IMPG2: variants seen among roughly 807,000 people sequenced by gnomAD.
IMPG2 encodes interphotoreceptor matrix proteoglycan 2, also known as IPM 200.
A neutral mutation model predicts 129.2 loss-of-function variants in IMPG2; 91 were observed. The ratio of observed to expected loss-of-function variants is 0.70; its 90% CI spans 0.59 to 0.84. The LOEUF is 0.84. Ranked by LOEUF, IMPG2 falls within the 40% of genes least tolerant of loss-of-function variation. The probability of loss-of-function intolerance (pLI) is 0.00; values close to 1 mark genes in which losing one functional copy is unlikely to be tolerated. For synonymous variants in IMPG2, 510 were observed against 517.7 expected (o/e 0.99, Z 0.20); for missense variants, 1,430 against 1,461.7 (o/e 0.98, Z 0.35).
chr3:101,226,838 C>T lies in IMPG2; in HGVS notation c.*131G>A. On this transcript the variant is annotated 3_prime_UTR_variant, in exon 19 of 19. Coordinates refer to ENST00000193391, the MANE Select transcript of IMPG2 (RefSeq NM_016247.4). Reference sequence around the variant, plus strand: ...TAAGCTGAAAAAAAAACAGTGTGCCCTATATTTAATTTTTTCATAGAAAAC... The same window carrying T: ...TAAGCTGAAAAAAAAACAGTGTGCCTTATATTTAATTTTTTCATAGAAAAC... The T allele has an allele frequency of 7.8e-6, 7 of 900,532 alleles. No individual in the cohort carries two copies. Among genetic ancestry groups the T allele is most frequent in the Non-Finnish European group, 1.2e-5 (7 of 563,040 alleles). 55.8% of individuals were successfully genotyped at this position (900,532 alleles called of 1,614,324 possible).
chr3:101,270,099 G>A (rs1017909276), intron 7 of IMPG2, among the ~76,000 whole-genome samples: 2 of 151,596 alleles, frequency 1.3e-5, no homozygotes, highest in East Asian at 1.9e-4. Context: ...CACCATGCTC[G>A]GCTAATTTTG....
intron 4 of IMPG2, among the ~76,000 whole-genome samples, chr3:101,286,206 T>C (rs938330184): frequency 6.6e-6 from 1 of 152,144 alleles, no homozygotes; most frequent in African/African-American, 2.4e-5. Context: ...CTATAACTAA[T>C]ACATTAGTAT....
chr3:101,259,582 T>C (rs1706648267), intron 9 of IMPG2, among the ~76,000 whole-genome samples: 1 of 150,980 alleles, frequency 6.6e-6, no homozygotes, highest in South Asian at 2.1e-4. Context: ...AACAGAAATA[T>C]ATACTTGTCT....
chr3:101,308,478 C>T (rs1473996781), intron 2 of IMPG2, among the ~76,000 whole-genome samples: 1 of 152,272 alleles, frequency 6.6e-6, no homozygotes, highest in Non-Finnish European at 1.5e-5. Flanking sequence ...GCTGCCAAGG[C>T]CTGGGGCTTG....
intron 4 of IMPG2, among the ~76,000 whole-genome samples, chr3:101,277,761 T>C (rs1242086831): frequency 6.6e-6 from 1 of 152,170 alleles, no homozygotes; most frequent in African/African-American, 2.4e-5. Context: ...AAAATAGGTT[T>C]CCACAAGTCC....
intron 18 of IMPG2, among the ~76,000 whole-genome samples, chr3:101,227,355 G>A (rs1706235931): frequency 6.6e-6 from 1 of 152,104 alleles, no homozygotes; most frequent in Admixed American, 6.6e-5. Flanking sequence ...TGTCTCACAG[G>A]GTCTTCTAGT....
At position 101,298,453 on chromosome 3, in the gene IMPG2, T is replaced by C. The variant is rs146046881; in HGVS notation, c.501+5693A>G. ...ATTATGTCATCATGATGCTAGTTGG[T>C]TATTTTTGCACACTAGTTGATGCAG... On this transcript the variant is annotated intron_variant, in intron 3 of 18. Coordinates refer to ENST00000193391, the MANE Select transcript of IMPG2 (RefSeq NM_016247.4). Among the ~76,000 whole-genome samples, 381 of 152,302 alleles carry C rather than the reference T, an allele frequency of 2.5e-3. 1 individual carries two copies. Among genetic ancestry groups the C allele is most frequent in the Non-Finnish European group, 4.5e-3 (309 of 68,012 alleles).
intron 9 of IMPG2, among the ~76,000 whole-genome samples, chr3:101,258,616 C>A (rs1318163142): frequency 1.3e-5 from 2 of 152,034 alleles, no homozygotes; most frequent in Non-Finnish European, 1.5e-5. Flanking sequence ...TTATGTAAAA[C>A]CTCAACAAGT....
intron 2 of IMPG2, among the ~76,000 whole-genome samples, chr3:101,316,780 T>C (rs2058787967): frequency 6.6e-6 from 1 of 152,090 alleles, no homozygotes; most frequent in Non-Finnish European, 1.5e-5. Flanking sequence ...GAAAAACTTG[T>C]ACCCAAATGA....
At chr3:101,312,691 T>C (rs556820) in intron 2 of IMPG2, among the ~76,000 whole-genome samples, 137,665 of 152,040 alleles carry the variant, frequency 0.91, 62,450 homozygotes, top group East Asian at 1. Flanking sequence ...ATGCAAACAA[T>C]GTAAATGCCC....
At chr3:101,256,205 GAAAGAAAGAAAGAAAA>G (rs1706605336) in intron 10 of IMPG2, among the ~76,000 whole-genome samples, 2 of 146,148 alleles carry the variant, frequency 1.4e-5, no homozygotes, top group South Asian at 2.2e-4. Flanking sequence ...AAGAAAGAAA[GAAAGAAAGAAAGAAAA>G]AAATATCTTA....
At chr3:101,318,983 C>A (rs2058797741) in intron 2 of IMPG2, among the ~76,000 whole-genome samples, 1 of 151,946 alleles carries the variant, frequency 6.6e-6, no homozygotes, top group African/African-American at 2.4e-5. Context: ...AGAGAGCAAC[C>A]TGTGTGAATC....
intron 4 of IMPG2, among the ~76,000 whole-genome samples, chr3:101,277,357 G>T (rs564790087): frequency 6.6e-6 from 1 of 152,284 alleles, no homozygotes; most frequent in African/African-American, 2.4e-5. Flanking sequence ...AATATATTTT[G>T]GGGATAAATG....
intron 9 of IMPG2, among the ~76,000 whole-genome samples, chr3:101,261,051 C>T (rs536331818): frequency 7.2e-5 from 11 of 152,172 alleles, no homozygotes; most frequent in East Asian, 3.9e-4. Flanking sequence ...CCCTAAAGAA[C>T]GTTCGTATTA....
chr3:101,238,974 C>T (rs1248761895), intron 14 of IMPG2, among the ~76,000 whole-genome samples: 1 of 152,092 alleles, frequency 6.6e-6, no homozygotes, highest in Non-Finnish European at 1.5e-5. Context: ...TCAGAAGACC[C>T]ATCTCATGTG....
At chr3:101,304,855 T>TAATA (rs1553685931) in intron 2 of IMPG2, among the ~76,000 whole-genome samples, 1 of 147,184 alleles carries the variant, frequency 6.8e-6, no homozygotes, top group Non-Finnish European at 1.5e-5. Flanking sequence ...ATATTTCTGA[T>TAATA]AAAAAAAAAA....
At chr3:101,287,337 T>C (rs1251022685) in intron 4 of IMPG2, among the ~76,000 whole-genome samples, 1 of 152,178 alleles carries the variant, frequency 6.6e-6, no homozygotes, top group Non-Finnish European at 1.5e-5. Flanking sequence ...ACAGATTCAA[T>C]GCTATTCCTA....
chr3:101,273,754 G>C lies in IMPG2; in HGVS notation c.667-12C>G. The C allele has an allele frequency of 1.2e-6, 2 of 1,611,846 alleles. No homozygotes were observed. Among genetic ancestry groups the C allele is most frequent in the Non-Finnish European group, 1.7e-6 (2 of 1,178,120 alleles). On this transcript the variant is annotated splice_polypyrimidine_tract_variant and intron_variant, in intron 6 of 18. Transcript: ENST00000193391. ...ATTTCATTGCTAATCTGAATTTTTA[G>C]AGAAAGAACAATAAATGTCAAGGCT...
In IMPG2 at chr3:101,319,665, A is replaced by G. The variant is rs922302756; in HGVS notation, c.253T>C (p.Phe85Leu). Residue 85 changes from phenylalanine (F) to leucine (L), a missense_variant, in exon 2 of 19, where the codon TTT becomes CTT. Transcript: ENST00000193391. ...GGGCAGATTTTCACTCCATTAGGAAACAGAATAGATCTCCGCCTTCTGATT... is the reference window on the plus strand; with the variant it reads ...GGGCAGATTTTCACTCCATTAGGAAGCAGAATAGATCTCCGCCTTCTGATT... ...WLIRRRRSILFPNGVKICPDE... is the reference protein window; with the variant it reads ...WLIRRRRSILLPNGVKICPDE... 2.5e-6 allele frequency: 4 copies of G among 1,613,654 alleles called. No individual in the cohort carries two copies. Among genetic ancestry groups the G allele is most frequent in the Admixed American group, 1.7e-5 (1 of 59,900 alleles).
Sources: gnomAD v4.1 joint callset for allele counts (sites outside exome capture counted in the v4.1 genomes callset) on GRCh38, gnomAD v4.1.1 for gene constraint, MANE v1.5 for transcripts, NCBI Gene and HGNC (gene_info 2026-07-23, HGNC 2026-07-21) for gene names.